Variants in TBC1D4 observed in about 807,000 individuals in gnomAD.
TBC1D4 encodes TBC (Tre-2, BUB2, CDC16) domain-containing protein.
A neutral mutation model predicts 142.5 loss-of-function variants in TBC1D4; 121 were observed. The ratio of observed to expected loss-of-function variants is 0.85; its 90% CI spans 0.73 to 0.99. TBC1D4 has a LOEUF of 0.99. Ranked by LOEUF, TBC1D4 falls within the 50% of genes least tolerant of loss-of-function variation. The pLI is 0.00. For missense variants in TBC1D4, 1,475 were observed against 1,606.6 expected (o/e 0.92, Z 1.40); for synonymous variants, 630 against 628.2 (o/e 1.00, Z -0.04).
chr13:75,289,679 T>C (rs1395484777), intron 19 of TBC1D4, among the ~76,000 whole-genome samples: 1 of 152,168 alleles, frequency 6.6e-6, no homozygotes, highest in East Asian at 1.9e-4. Context: ...CATTTACATA[T>C]TGTACCACAC....
chr13:75,298,565 A>G (rs1196123161), intron 17 of TBC1D4, among the ~76,000 whole-genome samples: 1 of 152,176 alleles, frequency 6.6e-6, no homozygotes, highest in Non-Finnish European at 1.5e-5. Flanking sequence ...AGCCTGGCCA[A>G]CATGGTGAAA....
At chr13:75,316,944 G>C (rs1285299744) in intron 12 of TBC1D4, among the ~76,000 whole-genome samples, 1 of 152,098 alleles carries the variant, frequency 6.6e-6, no homozygotes, top group Non-Finnish European at 1.5e-5. Context: ...ATAAAGCTAA[G>C]ACTCTCAGCA....
intron 1 of TBC1D4, among the ~76,000 whole-genome samples, chr13:75,461,415 T>C (rs1887960490): frequency 6.6e-6 from 1 of 152,238 alleles, no homozygotes; most frequent in Non-Finnish European, 1.5e-5. Flanking sequence ...CCAGATCCCA[T>C]TTCCATATAT....
chr13:75,414,878 C>T (rs1469629066), intron 1 of TBC1D4, among the ~76,000 whole-genome samples: 1 of 151,890 alleles, frequency 6.6e-6, no homozygotes, highest in Non-Finnish European at 1.5e-5. Flanking sequence ...AATCCCAGCA[C>T]TTTAGGAGGC....
At position 75,312,721 on chromosome 13, in the gene TBC1D4, G is replaced by C; in HGVS notation, c.2383+17C>G. ...GACACTCAGAGGGATAAATTCCTTA[G>C]GGAGTGCAACACAGACCTTGCTGTT... is the stretch of plus-strand genomic sequence containing the variant. On this transcript the variant is annotated intron_variant, in intron 13 of 20. Transcript: ENST00000377636. 6.2e-7 allele frequency: 1 copy of C among 1,614,136 alleles called. No homozygotes were observed. Among genetic ancestry groups the C allele is most frequent in the Non-Finnish European group, 8.5e-7 (1 of 1,180,008 alleles).
intron 20 of TBC1D4, among the ~76,000 whole-genome samples, chr13:75,287,434 CA>C (rs1057239373): frequency 2.0e-5 from 3 of 152,106 alleles, no homozygotes; most frequent in Non-Finnish European, 4.4e-5. Flanking sequence ...GGGCTTTCAT[CA>C]GTATTTATAG....
At position 75,349,400 on chromosome 13, in the gene TBC1D4, T is replaced by TA. The variant is rs3831188; in HGVS notation, c.1276-99dup. The TA allele has an allele frequency of 0.52, 769,565 of 1,474,234 alleles. 208,986 individuals are homozygous for TA. The highest frequency in any genetic ancestry group is 0.76 in the East Asian group (33,038 of 43,638). The allele number at this position is 1,474,234 out of a possible 1,614,324, so 91.3% of individuals were successfully genotyped here. A position where few individuals can be genotyped will look rare whatever the true frequency, so the allele number is the denominator to read the frequency against. Reference sequence around the variant, plus strand: ...TGAGCCTTTGTTGATGCTGACTAAATAAAAATAATAGAATTTTGATGACTA... The same window carrying TA: ...TGAGCCTTTGTTGATGCTGACTAAATAAAAAATAATAGAATTTTGATGACTA... On this transcript the variant is annotated intron_variant, in intron 4 of 20. Coordinates refer to ENST00000377636, the MANE Select transcript of TBC1D4 (RefSeq NM_014832.5).
chr13:75,393,317 A>C (rs915205840), intron 1 of TBC1D4, among the ~76,000 whole-genome samples: 2 of 152,074 alleles, frequency 1.3e-5, no homozygotes, highest in African/African-American at 4.8e-5. Flanking sequence ...TCTCTGGAAT[A>C]TTACATTTAA....
At chr13:75,472,525 C>T (rs745794568) in intron 1 of TBC1D4, among the ~76,000 whole-genome samples, 6 of 152,258 alleles carry the variant, frequency 3.9e-5, no homozygotes, top group African/African-American at 1.2e-4. Flanking sequence ...AAATTCCATA[C>T]GACAGCCAAA....
At chr13:75,341,358 G>T (rs1296721098) in intron 6 of TBC1D4, 123 bp from the exon 7 acceptor site, 9 of 1,257,094 alleles carry the variant, frequency 7.2e-6, no homozygotes, top group Non-Finnish European at 1.0e-5. Context: ...AAAGTAAAAT[G>T]GCATTCTATT....
chr13:75,405,359 T>G (rs999852312), intron 1 of TBC1D4, among the ~76,000 whole-genome samples: 3 of 138,948 alleles, frequency 2.2e-5, no homozygotes, highest in Non-Finnish European at 4.5e-5. Context: ...AACCTCCGCC[T>G]CCCGGGTTCA....
chr13:75,339,926 T>G (rs1474956814), intron 7 of TBC1D4, among the ~76,000 whole-genome samples: 7 of 152,166 alleles, frequency 4.6e-5, no homozygotes, highest in African/African-American at 1.4e-4. Context: ...CTCCTAAAAT[T>G]CCAACTCCCT....
chr13:75,408,713 C>T (rs1885456311), intron 1 of TBC1D4, among the ~76,000 whole-genome samples: 3 of 152,144 alleles, frequency 2.0e-5, no homozygotes, highest in Non-Finnish European at 4.4e-5. Context: ...TCCAATTCAT[C>T]CACTTTCTCA....
chr13:75,372,365 G>A (rs1346686985), intron 1 of TBC1D4, among the ~76,000 whole-genome samples: 1 of 152,030 alleles, frequency 6.6e-6, no homozygotes, highest in Non-Finnish European at 1.5e-5. Flanking sequence ...CACCTAACAG[G>A]TTCAAGTGAT....
At chr13:75,471,882 G>C (rs143593044) in intron 1 of TBC1D4, among the ~76,000 whole-genome samples, 2 of 152,198 alleles carry the variant, frequency 1.3e-5, no homozygotes, top group African/African-American at 4.8e-5. Context: ...CGAGGCGGGC[G>C]GATCACCTGA....
chr13:75,481,240 C>T (rs1411425528), intron 1 of TBC1D4, 30 bp downstream of exon 1: 2 of 1,599,022 alleles, frequency 1.3e-6, no homozygotes, highest in Non-Finnish European at 1.7e-6. Context: ...AGGCCGAGCC[C>T]GCCCCCGCGC....
chr13:75,374,647 A>T (rs1044724471), intron 1 of TBC1D4, among the ~76,000 whole-genome samples: 3 of 152,172 alleles, frequency 2.0e-5, no homozygotes, highest in Non-Finnish European at 4.4e-5. Context: ...TAATGTGATA[A>T]TGGGGCCTGA....
At chr13:75,351,636 T>C (rs1206372629) in intron 4 of TBC1D4, among the ~76,000 whole-genome samples, 1 of 148,524 alleles carries the variant, frequency 6.7e-6, no homozygotes, top group Non-Finnish European at 1.5e-5. Flanking sequence ...GTTCTCATTG[T>C]TCAATTCCCA....
chr13:75,358,545 A>G lies in TBC1D4; in HGVS notation c.1170+1224T>C, dbSNP rs576524791. Among the ~76,000 whole-genome samples the G allele has an allele frequency of 1.3e-4, 20 of 152,258 alleles. No homozygotes were observed. In the South Asian group the frequency reaches 3.7e-3, roughly 28 times the overall value. On this transcript the variant is annotated intron_variant, in intron 3 of 20. Transcript: ENST00000377636. ...ACTGTATTAGCTGAGACTGAGGCAAACAATTAAGGTGTACAAAAACTGGCC... is the reference window on the plus strand; with the variant it reads ...ACTGTATTAGCTGAGACTGAGGCAAGCAATTAAGGTGTACAAAAACTGGCC...
Sources: allele counts gnomAD v4.1 joint callset (sites outside exome capture counted in the v4.1 genomes callset), GRCh38; gene constraint gnomAD v4.1.1; transcripts MANE v1.5; gene names NCBI Gene and HGNC (gene_info 2026-07-23, HGNC 2026-07-21).